Variants in RBM19 observed in about 807,000 individuals in gnomAD.
The protein encoded by RBM19 is probable RNA-binding protein 19.
In RBM19, 94 loss-of-function variants were observed where a neutral mutation model predicts 116.8. That is an observed-to-expected ratio of 0.80 (90% CI 0.68 to 0.95). RBM19 has a LOEUF of 0.95. Among genes scored for constraint, RBM19 ranks in the 40% least tolerant of loss-of-function variants. The pLI is 0.00. For synonymous variants in RBM19, 475 were observed against 494.1 expected, an observed-to-expected ratio of 0.96 and a Z score of 0.51; for missense variants, 1,161 against 1,220.7, an observed-to-expected ratio of 0.95 and a Z score of 0.73.
At chr12:113,952,004 C>T (rs1456295606) in intron 8 of RBM19, among the ~76,000 whole-genome samples, 1 of 152,234 alleles carries the variant, frequency 6.6e-6, no homozygotes, top group African/African-American at 2.4e-5. Context: ...GTGCCCACCT[C>T]CCCGAGCTCA....
At chr12:113,826,859 G>A (rs756606497) in intron 23 of RBM19, among the ~76,000 whole-genome samples, 1 of 152,174 alleles carries the variant, frequency 6.6e-6, no homozygotes, top group Non-Finnish European at 1.5e-5. Context: ...GCTCTTACGC[G>A]GAGCCTGGCT....
chr12:113,842,876 T>C (rs1876622148), intron 23 of RBM19, among the ~76,000 whole-genome samples: 1 of 151,826 alleles, frequency 6.6e-6, no homozygotes, highest in Non-Finnish European at 1.5e-5. Context: ...AGGCACAGAA[T>C]CCTGTCTGGA....
intron 22 of RBM19, among the ~76,000 whole-genome samples, chr12:113,857,982 G>C (rs1180125493): frequency 1.3e-5 from 2 of 152,276 alleles, no homozygotes; most frequent in East Asian, 3.8e-4. Flanking sequence ...TAGTGAGGCT[G>C]AGAGAGGGGA....
chr12:113,905,525 A>G (rs1881982884), intron 21 of RBM19, among the ~76,000 whole-genome samples: 1 of 152,140 alleles, frequency 6.6e-6, no homozygotes, highest in Non-Finnish European at 1.5e-5. Flanking sequence ...ATAGGTGGCC[A>G]CCTTCATGAG....
chr12:113,889,321 C>T (rs575045854), intron 21 of RBM19, among the ~76,000 whole-genome samples: 12 of 152,278 alleles, frequency 7.9e-5, no homozygotes, highest in African/African-American at 1.9e-4. Flanking sequence ...AGGCACATCC[C>T]GAGCTGCAGT....
At chr12:113,906,364 G>A (rs1469823387) in intron 21 of RBM19, among the ~76,000 whole-genome samples, 1 of 152,180 alleles carries the variant, frequency 6.6e-6, no homozygotes, top group Non-Finnish European at 1.5e-5. Context: ...ACACAAATGA[G>A]AATATATGTT....
chr12:113,838,233 G>A (rs956086377), intron 23 of RBM19, among the ~76,000 whole-genome samples: 1 of 152,192 alleles, frequency 6.6e-6, no homozygotes, highest in Non-Finnish European at 1.5e-5. Flanking sequence ...TTCACCCAGC[G>A]TGCATGGCTT....
intron 12 of RBM19, 63 bp from the exon 13 acceptor site, chr12:113,945,987 G>C (rs1737366757): frequency 2.1e-6 from 3 of 1,424,030 alleles, no homozygotes; most frequent in Admixed American, 3.6e-5. Context: ...CTCGTTCTCA[G>C]ACACGAATCC....
intron 22 of RBM19, among the ~76,000 whole-genome samples, chr12:113,846,713 G>A (rs1877010157): frequency 6.6e-6 from 1 of 152,066 alleles, no homozygotes; most frequent in African/African-American, 2.4e-5. Flanking sequence ...ACACATTTCT[G>A]GATTTTTAAA....
chr12:113,927,599 A>AAC (rs1555242316), intron 16 of RBM19, among the ~76,000 whole-genome samples: 1 of 119,288 alleles, frequency 8.4e-6, no homozygotes, highest in African/African-American at 2.9e-5. Flanking sequence ...AACAAAAAAA[A>AAC]AAAAACAAAA....
At chr12:113,921,984 G>A (rs1007435980) in intron 18 of RBM19, among the ~76,000 whole-genome samples, 7 of 152,192 alleles carry the variant, frequency 4.6e-5, no homozygotes, top group Non-Finnish European at 1.0e-4. Flanking sequence ...GGCATTGCGG[G>A]GTGGGGGGAT....
At chr12:113,912,718 C>A (rs1025121751) in intron 21 of RBM19, among the ~76,000 whole-genome samples, 3 of 152,194 alleles carry the variant, frequency 2.0e-5, no homozygotes, top group African/African-American at 7.2e-5. Context: ...TTTTACTACA[C>A]CTGGTAGGAG....
intron 23 of RBM19, among the ~76,000 whole-genome samples, chr12:113,835,230 A>G (rs1436004282): frequency 3.3e-5 from 5 of 152,132 alleles, no homozygotes; most frequent in African/African-American, 4.8e-5. Flanking sequence ...TAGATGCTCA[A>G]TTAAATTCTA....
At chr12:113,964,461 G>A (rs1233680588) in intron 1 of RBM19, among the ~76,000 whole-genome samples, 1 of 152,164 alleles carries the variant, frequency 6.6e-6, no homozygotes, top group African/African-American at 2.4e-5. Context: ...AATGATAAGA[G>A]AGTCAACTAC....
chr12:113,836,599 T>C (rs1330935105), intron 23 of RBM19, among the ~76,000 whole-genome samples: 1 of 152,034 alleles, frequency 6.6e-6, no homozygotes, highest in African/African-American at 2.4e-5. Context: ...AATGAGTTAC[T>C]GTAACTGACT....
At chr12:113,897,171 TA>T (rs1437623535) in intron 21 of RBM19, among the ~76,000 whole-genome samples, 1 of 152,228 alleles carries the variant, frequency 6.6e-6, no homozygotes, top group African/African-American at 2.4e-5. Context: ...AGTCAGTGTT[TA>T]TTTTTTTATT....
chr12:113,960,105 T>A lies in RBM19; in HGVS notation c.293A>T (p.Gln98Leu). The A allele has an allele frequency of 6.2e-7, 1 of 1,614,216 alleles. No individual in the cohort carries two copies. The highest frequency in any genetic ancestry group is 2.2e-5 in the East Asian group (1 of 44,874). Reference protein sequence around the residue: ...AWSKHAQKPSQPKQPPKDSTT... With the variant: ...AWSKHAQKPSLPKQPPKDSTT... ...AGAGTCTTTTGGAGGCTGCTTGGGC[T>A]GGCTTGGTTTCTGGGCATGTTTGCT... Residue 98 changes from glutamine (Q) to leucine (L), a missense_variant, in exon 3 of 24, where the codon CAG becomes CTG. Transcript: ENST00000261741.
chr12:113,876,017 T>C (rs1193638273), intron 21 of RBM19, among the ~76,000 whole-genome samples: 1 of 152,134 alleles, frequency 6.6e-6, no homozygotes, highest in Non-Finnish European at 1.5e-5. Flanking sequence ...GACGTGTGCC[T>C]TGGGGTGGGT....
At chr12:113,918,568 G>A in intron 19 of RBM19, 121 bp from the exon 20 acceptor site, 1 of 971,660 alleles carries the variant, frequency 1.0e-6, no homozygotes, top group Non-Finnish European at 1.6e-6. Flanking sequence ...CCCGGGGAGT[G>A]GGGCTAGCTG....
Sources: allele counts gnomAD v4.1 joint callset (sites outside exome capture counted in the v4.1 genomes callset), GRCh38; gene constraint gnomAD v4.1.1; transcripts MANE v1.5; gene names NCBI Gene and HGNC (gene_info 2026-07-23, HGNC 2026-07-21).